The following SERPINI2 variants were observed in gnomAD, a reference collection of about 807,000 sequenced individuals.
SERPINI2 encodes the protein serpin family I member 2.
Under a neutral mutation model 47.3 loss-of-function variants are expected in SERPINI2, and 48 were observed. That is an observed-to-expected ratio of 1.02 (90% CI 0.81 to 1.29). SERPINI2 has a LOEUF of 1.29. Ranked by LOEUF, SERPINI2 falls within the 50% of genes most tolerant of loss-of-function variation. SERPINI2 has a pLI of 0.00. For missense variants in SERPINI2, 448 were observed against 456.9 expected, an observed-to-expected ratio of 0.98 and a Z score of 0.18; for synonymous variants, 135 against 149.3, an observed-to-expected ratio of 0.90 and a Z score of 0.70.
upstream of SERPINI2, among the ~76,000 whole-genome samples, chr3:167,474,711 T>C (rs376054477): frequency 3.3e-5 from 5 of 151,928 alleles, no homozygotes; most frequent in South Asian, 6.2e-4. Flanking sequence ...CTTTATGTGC[T>C]TTTGAAACTC....
chr3:167,462,912 C>T (rs1424368445), intron 5 of SERPINI2, among the ~76,000 whole-genome samples: 4 of 152,184 alleles, frequency 2.6e-5, no homozygotes, highest in Non-Finnish European at 5.9e-5. Context: ...AAACATTCCT[C>T]TAAGGATTCC....
chr3:167,465,211 G>A, exon 5 of SERPINI2: 1 of 1,607,520 alleles, frequency 6.2e-7, no homozygotes, highest in Non-Finnish European at 8.5e-7. Context: ...CCAACCTAGG[G>A]AGGCTTATTT....
chr3:167,465,497 G>T lies in SERPINI2; in HGVS notation c.655C>A (p.Leu219Ile), dbSNP rs756028447. 7 of 1,613,588 alleles carry T rather than the reference G, an allele frequency of 4.3e-6. No homozygotes were observed. Among genetic ancestry groups the T allele is most frequent in the Non-Finnish European group, 5.1e-6 (6 of 1,179,864 alleles). Residue 219 changes from leucine to isoleucine, a missense_variant, in exon 4 of 9, where the codon CTT becomes ATT. By Grantham distance (5) the Leu-to-Ile change is conservative. Coordinates refer to ENST00000264677, the Ensembl canonical transcript of SERPINI2. ...ACATTACCATATTTTGTTCTCAGAA[G>T]AGCCTTCATCATTGGAATTTTGACA...
chr3:167,466,917 A>C (rs1324394472), intron 3 of SERPINI2, 138 bp downstream of exon 3: 3 of 450,638 alleles, frequency 6.7e-6, no homozygotes, highest in Non-Finnish European at 7.6e-6. Context: ...AATTTAAATA[A>C]CTATGAAATG....
At chr3:167,470,812 T>G (rs372728909) in intron 2 of SERPINI2, among the ~76,000 whole-genome samples, 5 of 151,774 alleles carry the variant, frequency 3.3e-5, no homozygotes, top group African/African-American at 1.2e-4. Flanking sequence ...TGAGATTACA[T>G]GTGTGAGCCA....
In SERPINI2 at chr3:167,453,597, GATAA is replaced by G. The variant is rs2108157382; in HGVS notation, c.867-568_867-565del. On this transcript the variant is annotated intron_variant, in intron 5 of 8. Coordinates refer to ENST00000264677, the Ensembl canonical transcript of SERPINI2. ...ATCTTTTAAATAGGCCCTATAAAAG[GATAA>G]AGGAAGGGGAACCAGATTTCTTTCA... 2.0e-5 allele frequency among the ~76,000 whole-genome samples: 3 copies of G among 146,632 alleles called. No homozygotes were observed. In the East Asian group the frequency reaches 6.5e-4, roughly 32 times the overall value.
exon 3 of SERPINI2, chr3:167,467,218 A>T: frequency 6.2e-7 from 1 of 1,613,376 alleles, no homozygotes; most frequent in South Asian, 1.1e-5. Flanking sequence ...TGGCAAGATT[A>T]AATGTAAATT....
At position 167,470,550 on chromosome 3, in the gene SERPINI2, C is replaced by CTTTTTTTTTTT. The variant is rs536884425; in HGVS notation, c.247+1027_247+1037dup. Among the ~76,000 whole-genome samples, 79 of 93,030 alleles carry CTTTTTTTTTTT rather than the reference C, an allele frequency of 8.5e-4. 14 individuals are homozygous for CTTTTTTTTTTT. Among genetic ancestry groups the CTTTTTTTTTTT allele is most frequent in the African/African-American group, 4.2e-3 (74 of 17,622 alleles). 61.0% of individuals were successfully genotyped at this position (93,030 alleles called of 152,430 possible). On this transcript the variant is annotated intron_variant, in intron 2 of 8. Transcript: ENST00000264677. The stretch of plus-strand genomic sequence containing the variant: ...AGATAGCTGAGGAGATGAGCAACAA[C>CTTTTTTTTTTT]TTTTTTTTTTTTTTTTTTTTTTTTT...
chr3:167,444,424 T>C (rs1282583728), intron 8 of SERPINI2, among the ~76,000 whole-genome samples: 1 of 152,158 alleles, frequency 6.6e-6, no homozygotes, highest in African/African-American at 2.4e-5. Context: ...TAAAAATTGA[T>C]TGTACTAAAC....
chr3:167,444,802 T>A (rs143459513), intron 8 of SERPINI2, among the ~76,000 whole-genome samples: 1 of 152,310 alleles, frequency 6.6e-6, no homozygotes, highest in East Asian at 1.9e-4. Flanking sequence ...AATAAACAGA[T>A]AAGTGGGTTA....
exon 2 of SERPINI2, chr3:167,471,697 TATA>T: frequency 6.2e-7 from 1 of 1,613,586 alleles, no homozygotes; most frequent in Non-Finnish European, 8.5e-7. Context: ...GGGGTGAAAA[TATA>T]ATGTTGTCCT....
chr3:167,453,335 A>G (rs1187274595), intron 5 of SERPINI2, among the ~76,000 whole-genome samples: 1 of 152,116 alleles, frequency 6.6e-6, no homozygotes, highest in Non-Finnish European at 1.5e-5. Context: ...TAAGGTCTCA[A>G]TTGCTTGGCT....
intron 5 of SERPINI2, among the ~76,000 whole-genome samples, chr3:167,460,521 C>G (rs1369506789): frequency 1.3e-5 from 2 of 152,102 alleles, no homozygotes; most frequent in Non-Finnish European, 2.9e-5. Flanking sequence ...TTTAACAAAT[C>G]AGAAGACATT....
chr3:167,453,521 G>A (rs190778223), intron 5 of SERPINI2, among the ~76,000 whole-genome samples: 25 of 152,168 alleles, frequency 1.6e-4, no homozygotes, highest in African/African-American at 5.1e-4. Flanking sequence ...CATTCATCTC[G>A]CCCATTGTCA....
Position 167,453,034 on chromosome 3 carries a change from C to A in SERPINI2, c.867-1G>T. On this transcript the variant is annotated splice_acceptor_variant, in intron 5 of 8. Coordinates refer to ENST00000264677, the Ensembl canonical transcript of SERPINI2. LOFTEE classifies it high-confidence loss of function. Reference sequence around the variant, plus strand: ...GTCTACTTTTTGTTCTACTTTAAATCTGTTATTAAAAAAAAAAGAAAAAGA... The same window carrying A: ...GTCTACTTTTTGTTCTACTTTAAATATGTTATTAAAAAAAAAAGAAAAAGA... 6.7e-7 allele frequency: 1 copy of A among 1,500,862 alleles called. No individual in the cohort carries two copies. Among genetic ancestry groups the A allele is most frequent in the Non-Finnish European group, 9.1e-7 (1 of 1,104,894 alleles). 93.0% of individuals were successfully genotyped at this position (1,500,862 alleles called of 1,614,324 possible).
At chr3:167,466,965 A>T in intron 3 of SERPINI2, 90 bp downstream of exon 3, 3 of 808,502 alleles carry the variant, frequency 3.7e-6, no homozygotes, top group Non-Finnish European at 5.9e-6. Context: ...ATACTGCAGT[A>T]GGAAAATATT....
At chr3:167,471,329 A>G (rs918679823) in intron 2 of SERPINI2, among the ~76,000 whole-genome samples, 2 of 152,140 alleles carry the variant, frequency 1.3e-5, no homozygotes, top group African/African-American at 4.8e-5. Context: ...TGGCTAAAAC[A>G]AACTAAAAGA....
exon 2 of SERPINI2, chr3:167,471,773 C>T (rs1374298385): frequency 1.9e-6 from 3 of 1,613,330 alleles, no homozygotes; most frequent in South Asian, 1.1e-5. Context: ...TTGAGCTGAG[C>T]ATCTTGAGGC....
chr3:167,467,528 A>C (rs1390553799), intron 2 of SERPINI2, among the ~76,000 whole-genome samples: 1 of 152,192 alleles, frequency 6.6e-6, no homozygotes, highest in Admixed American at 6.5e-5. Context: ...AATTTGTCAA[A>C]AAAAAGAATA....
Sources: gnomAD v4.1 joint callset for allele counts (sites outside exome capture counted in the v4.1 genomes callset) on GRCh38, gnomAD v4.1.1 for gene constraint, MANE v1.5 for transcripts, NCBI Gene and HGNC (gene_info 2026-07-23, HGNC 2026-07-21) for gene names.